Variants in DPYD observed in about 807,000 individuals in gnomAD.
DPYD encodes dihydropyrimidine dehydrogenase [NADP(+)].
DPYD carries 109 observed loss-of-function variants against 116.2 expected under a neutral mutation model. The ratio of observed to expected loss-of-function variants is 0.94; its 90% CI spans 0.80 to 1.10. DPYD has a LOEUF of 1.10. Among genes scored for constraint, DPYD ranks in the 50% least tolerant of loss-of-function variants. The pLI, the probability that DPYD is intolerant of heterozygous loss-of-function variation, is 0.00. For synonymous variants in DPYD, 440 were observed against 432.0 expected, an observed-to-expected ratio of 1.02 and a Z score of -0.23; for missense variants, 1,302 against 1,254.5, an observed-to-expected ratio of 1.04 and a Z score of -0.57.
chr1:97,711,196 A>G (rs1662265424), intron 5 of DPYD, among the ~76,000 whole-genome samples: 1 of 151,908 alleles, frequency 6.6e-6, no homozygotes, highest in Non-Finnish European at 1.5e-5. Flanking sequence ...TTATGACTAA[A>G]CAAAGGTTAT....
intron 8 of DPYD, among the ~76,000 whole-genome samples, chr1:97,662,602 C>A (rs1659329302): frequency 6.6e-6 from 1 of 152,022 alleles, no homozygotes; most frequent in Non-Finnish European, 1.5e-5. Context: ...CACTGCACTC[C>A]AGCCTGGGCG....
chr1:97,831,941 A>G (rs1669555288), intron 2 of DPYD, among the ~76,000 whole-genome samples: 2 of 152,116 alleles, frequency 1.3e-5, no homozygotes, highest in African/African-American at 2.4e-5. Flanking sequence ...GCCATGTAAT[A>G]TAACAGGCAC....
chr1:97,129,383 T>C (rs1446971863), intron 20 of DPYD, among the ~76,000 whole-genome samples: 2 of 152,128 alleles, frequency 1.3e-5, no homozygotes, highest in African/African-American at 4.8e-5. Flanking sequence ...ATTCTTAAAA[T>C]GGTCATTTGC....
intron 8 of DPYD, among the ~76,000 whole-genome samples, chr1:97,644,088 A>G (rs1212249556): frequency 6.6e-6 from 1 of 152,134 alleles, no homozygotes; most frequent in African/African-American, 2.4e-5. Flanking sequence ...ATAATAAAAA[A>G]AAGAAAATTG....
At chr1:97,235,288 C>T (rs949602800) in intron 18 of DPYD, among the ~76,000 whole-genome samples, 6 of 152,158 alleles carry the variant, frequency 3.9e-5, no homozygotes, top group African/African-American at 4.8e-5. Context: ...ATATTACATG[C>T]ATATTACAAT....
intron 8 of DPYD, among the ~76,000 whole-genome samples, chr1:97,659,059 T>C (rs1224384386): frequency 6.6e-6 from 1 of 152,094 alleles, no homozygotes; most frequent in African/African-American, 2.4e-5. Context: ...CCAATACACA[T>C]CCTCACACTT....
intron 20 of DPYD, among the ~76,000 whole-genome samples, chr1:97,118,295 T>C (rs1652140676): frequency 6.6e-6 from 1 of 152,080 alleles, no homozygotes; most frequent in African/African-American, 2.4e-5. Context: ...TTGATAATCT[T>C]CAGATTTTAT....
intron 5 of DPYD, among the ~76,000 whole-genome samples, chr1:97,711,405 T>G (rs2101002276): frequency 6.6e-6 from 1 of 152,062 alleles, no homozygotes; most frequent in South Asian, 2.1e-4. Flanking sequence ...TTCATGTAAT[T>G]TATCGCATAC....
intron 8 of DPYD, among the ~76,000 whole-genome samples, chr1:97,621,297 T>C (rs1025813209): frequency 1.3e-5 from 2 of 152,106 alleles, no homozygotes; most frequent in Non-Finnish European, 1.5e-5. Context: ...AGTAAACTGA[T>C]AGTAGATTAT....
intron 14 of DPYD, among the ~76,000 whole-genome samples, chr1:97,425,373 T>C (rs1444120427): frequency 6.6e-6 from 1 of 152,044 alleles, no homozygotes; most frequent in Non-Finnish European, 1.5e-5. Flanking sequence ...CATAACATTA[T>C]AAAGGCAAAA....
chr1:97,689,419 T>G (rs1306314777), intron 7 of DPYD, among the ~76,000 whole-genome samples: 1 of 152,156 alleles, frequency 6.6e-6, no homozygotes, highest in Non-Finnish European at 1.5e-5. Context: ...CCTGGCATAC[T>G]ACTTGGCAAA....
At chr1:97,831,403 C>T (rs937806133) in intron 2 of DPYD, among the ~76,000 whole-genome samples, 1 of 152,152 alleles carries the variant, frequency 6.6e-6, no homozygotes, top group South Asian at 2.1e-4. Flanking sequence ...AGCCAGCGGC[C>T]TCCAATCAAA....
chr1:97,624,838 A>G (rs1419583670), intron 8 of DPYD, among the ~76,000 whole-genome samples: 1 of 152,038 alleles, frequency 6.6e-6, no homozygotes, highest in Admixed American at 6.6e-5. Context: ...AGAACATTAC[A>G]CTAAGTGAAA....
chr1:97,290,848 A>C (rs1206923006), intron 18 of DPYD, among the ~76,000 whole-genome samples: 1 of 152,066 alleles, frequency 6.6e-6, no homozygotes, highest in African/African-American at 2.4e-5. Flanking sequence ...GATCTAATTA[A>C]ACTAAAGAGC....
intron 1 of DPYD, 40 bp downstream of exon 1, chr1:97,920,844 C>T (rs1233488021): frequency 1.9e-6 from 3 of 1,572,442 alleles, no homozygotes; most frequent in Non-Finnish European, 2.6e-6. Flanking sequence ...GCACTCCCCA[C>T]CACCCCGCCA....
intron 19 of DPYD, among the ~76,000 whole-genome samples, chr1:97,203,478 T>C (rs368683888): frequency 1.8e-3 from 2 of 1,142 alleles, no homozygotes; most frequent in African/African-American, 9.6e-3. Context: ...GGGACTGTTG[T>C]GGGGTGGGGG....
At chr1:97,881,116 T>C (rs1216363450) in intron 2 of DPYD, among the ~76,000 whole-genome samples, 2 of 152,052 alleles carry the variant, frequency 1.3e-5, no homozygotes, top group African/African-American at 2.4e-5. Flanking sequence ...CTGAACTATA[T>C]CTCCTCAAAA....
chr1:97,331,180 C>T (rs761458732), intron 16 of DPYD, among the ~76,000 whole-genome samples: 8 of 151,916 alleles, frequency 5.3e-5, no homozygotes, highest in Admixed American at 5.3e-4. Context: ...TTTTTGCAAA[C>T]CTATATATTG....
At chr1:97,165,286 C>T (rs1202491615) in intron 20 of DPYD, among the ~76,000 whole-genome samples, 1 of 152,046 alleles carries the variant, frequency 6.6e-6, no homozygotes, top group African/African-American at 2.4e-5. Context: ...ACACCTACAA[C>T]CAACTAATCA....
Sources: allele counts gnomAD v4.1 joint callset (sites outside exome capture counted in the v4.1 genomes callset), GRCh38; gene constraint gnomAD v4.1.1; transcripts MANE v1.5; gene names NCBI Gene and HGNC (gene_info 2026-07-23, HGNC 2026-07-21).